The following CFAP91 variants were observed in gnomAD, a reference collection of about 807,000 sequenced individuals.
CFAP91 encodes cilia- and flagella-associated protein 91.
In CFAP91, 85 loss-of-function variants were observed where a neutral mutation model predicts 95.9. The observed-to-expected ratio is 0.89, with a 90% CI of 0.74 to 1.06. The LOEUF (loss-of-function observed/expected upper bound fraction) is 1.06. Ranked by LOEUF, CFAP91 falls within the 50% of genes least tolerant of loss-of-function variation. The probability of loss-of-function intolerance (pLI) is 0.00; values close to 1 mark genes in which losing one functional copy is unlikely to be tolerated. For missense variants in CFAP91, 962 were observed against 943.4 expected (o/e 1.02, Z -0.26); for synonymous variants, 335 against 327.5 (o/e 1.02, Z -0.25).
intron 17 of CFAP91, among the ~76,000 whole-genome samples, chr3:119,755,942 T>A (rs1469947182): frequency 2.0e-5 from 3 of 152,146 alleles, no homozygotes; most frequent in Admixed American, 6.5e-5. Context: ...TAGAATAGCT[T>A]AATGATTTAG....
At position 119,751,005 on chromosome 3, in the gene CFAP91, G is replaced by A. The variant is rs753249402; in HGVS notation, c.2212G>A (p.Val738Ile). 1 of 1,613,912 alleles carries A rather than the reference G, an allele frequency of 6.2e-7. No individual in the cohort carries two copies. The highest frequency in any genetic ancestry group is 8.5e-7 in the Non-Finnish European group (1 of 1,179,892). Residue 738 changes from valine (V) to isoleucine (I), a missense_variant, in exon 17 of 18, where the codon GTT (valine) becomes ATT (isoleucine). Coordinates refer to ENST00000273390, the MANE Select transcript of CFAP91 (RefSeq NM_033364.4). ...CATCCACAGTTACACGGAAAGCATG[G>A]TTCAAAAGAAATTAACTGAGGGAGA... ...QIIHSYTESM[V>I]QKKLTEGEQD...
intron 12 of CFAP91, among the ~76,000 whole-genome samples, chr3:119,740,027 G>T (rs1420935562): frequency 1.3e-5 from 2 of 152,128 alleles, no homozygotes. Flanking sequence ...TTCCCAGATA[G>T]CTATAACTCA....
chr3:119,735,423 GT>G (rs1435773851), intron 10 of CFAP91, among the ~76,000 whole-genome samples: 7 of 152,080 alleles, frequency 4.6e-5, no homozygotes, highest in Non-Finnish European at 1.0e-4. Flanking sequence ...CATTTCATTA[GT>G]TTTGATATGT....
At chr3:119,759,534 C>G (rs1577250883) in intron 17 of CFAP91, among the ~76,000 whole-genome samples, 1 of 151,796 alleles carries the variant, frequency 6.6e-6, no homozygotes, top group African/African-American at 2.4e-5. Flanking sequence ...GAAAGTAATA[C>G]AAAAACATAT....
intron 7 of CFAP91, among the ~76,000 whole-genome samples, chr3:119,729,596 A>T (rs2053854542): frequency 6.6e-6 from 1 of 151,784 alleles, no homozygotes; most frequent in African/African-American, 2.4e-5. Context: ...GTGAGCTTAG[A>T]TCAGGCTACT....
At chr3:119,756,434 C>T (rs1228942882) in intron 17 of CFAP91, among the ~76,000 whole-genome samples, 2 of 152,010 alleles carry the variant, frequency 1.3e-5, no homozygotes. Context: ...ATCTGCAACA[C>T]AAGAAATTAT....
intron 16 of CFAP91, among the ~76,000 whole-genome samples, chr3:119,748,855 C>A (rs78035881): frequency 0.016 from 2,510 of 152,200 alleles, 62 homozygotes; most frequent in African/African-American, 0.057. Flanking sequence ...TCTGAGAGTA[C>A]ATTCTTAACA....
chr3:119,721,689 G>A (rs1410619811), intron 6 of CFAP91, among the ~76,000 whole-genome samples: 1 of 152,170 alleles, frequency 6.6e-6, no homozygotes, highest in Non-Finnish European at 1.5e-5. Context: ...TAGCACCCTG[G>A]TTGAGGAACA....
intron 16 of CFAP91, 76 bp from the exon 17 acceptor site, chr3:119,750,861 A>G (rs1287079485): frequency 1.3e-6 from 2 of 1,548,694 alleles, no homozygotes; most frequent in African/African-American, 1.4e-5. Context: ...TATTTCTATC[A>G]TGACTCTCTT....
rs755928938 is a variant in CFAP91 at position 119,708,642 on chromosome 3, T to C, written c.411T>C (p.Val137=). The change falls in exon 4 of 18, where the codon GTT becomes GTC. Residue 137 remains valine, a synonymous_variant. Coordinates refer to ENST00000273390, the MANE Select transcript of CFAP91 (RefSeq NM_033364.4). ...MPKEVYEDPE[V]TGKNRYKYFE... ...AAGAAGTTTATGAAGATCCTGAAGT[T>C]ACTGGAAAGAATCGCTATAAATACT... 1.2e-6 allele frequency: 2 copies of C among 1,605,416 alleles called. No individual in the cohort carries two copies. The highest frequency in any genetic ancestry group is 4.5e-5 in the East Asian group (2 of 44,740).
rs72965006 is a variant in CFAP91, at chr3:119,732,405, G to A, written c.1130G>A (p.Arg377His). 3,958 of 1,613,186 alleles carry A rather than the reference G, an allele frequency of 2.5e-3. 83 individuals are homozygous for A. In the African/African-American group the frequency reaches 0.044, roughly 18 times the overall value. ...YASQVYGPLS[R>H]LGCFPDNNSE... is the part of the protein sequence containing the mutation. Reference sequence around the variant, plus strand: ...TCACAGGTCTATGGACCTCTGTCTCGTCTTGGGTGTTTCCCAGACAACAAC... The same window carrying A: ...TCACAGGTCTATGGACCTCTGTCTCATCTTGGGTGTTTCCCAGACAACAAC... Residue 377 changes from arginine to histidine, a missense_variant, in exon 9 of 18, where the codon CGT (arginine) becomes CAT (histidine). Transcript: ENST00000273390.
intron 6 of CFAP91, among the ~76,000 whole-genome samples, chr3:119,722,578 C>A (rs1044212387): frequency 4.6e-5 from 7 of 152,068 alleles, no homozygotes; most frequent in Non-Finnish European, 7.4e-5. Flanking sequence ...AGCCTCAAAC[C>A]CTATGGCTCA....
chr3:119,747,108 T>C lies in CFAP91; in HGVS notation c.1903-7T>C. ...TGTTTTAGTGAGGGTATTATTGTTT[T>C]TTGCAGGTGGTTAAAGTTCACCATA... On this transcript the variant is annotated splice_region_variant and splice_polypyrimidine_tract_variant and intron_variant, in intron 14 of 17. Coordinates refer to ENST00000273390, the MANE Select transcript of CFAP91 (RefSeq NM_033364.4). 6.4e-7 allele frequency: 1 copy of C among 1,554,410 alleles called. No individual in the cohort carries two copies. The highest frequency in any genetic ancestry group is 8.7e-7 in the Non-Finnish European group (1 of 1,150,948).
At position 119,718,997 on chromosome 3, in the gene CFAP91, G is replaced by A. The variant is rs2107868380; in HGVS notation, c.682+3254G>A. On this transcript the variant is annotated intron_variant, in intron 6 of 17. Coordinates refer to ENST00000273390, the MANE Select transcript of CFAP91 (RefSeq NM_033364.4). ...GACATATACAAGAAAACTCACAGCA[G>A]CATTAATTATGATAACTCCAAACTG... Among the ~76,000 whole-genome samples the A allele has an allele frequency of 1.3e-5, 2 of 151,848 alleles. 1 individual carries two copies. Among genetic ancestry groups the A allele is most frequent in the East Asian group, 3.9e-4 (2 of 5,182 alleles).
At chr3:119,703,441 G>C (rs2053297943) in intron 1 of CFAP91, among the ~76,000 whole-genome samples, 1 of 152,238 alleles carries the variant, frequency 6.6e-6, no homozygotes, top group South Asian at 2.1e-4. Context: ...AAAGGCGCGG[G>C]TGCGCTCCGC....
intron 1 of CFAP91, 151 bp from the exon 2 acceptor site, chr3:119,706,658 G>A: frequency 1.6e-6 from 1 of 623,834 alleles, no homozygotes; most frequent in Non-Finnish European, 2.9e-6. Flanking sequence ...AGGGCCACAT[G>A]CACAACAGAG....
chr3:119,732,996 C>G (rs1368306966), intron 9 of CFAP91, among the ~76,000 whole-genome samples: 2 of 152,214 alleles, frequency 1.3e-5, no homozygotes, highest in African/African-American at 4.8e-5. Context: ...ACTTGTAGCT[C>G]TGGCTGGCCA....
In CFAP91 at chr3:119,766,710, G is replaced by A. The variant is rs2054636969; in HGVS notation, c.*1660G>A. On this transcript the variant is annotated 3_prime_UTR_variant, in exon 18 of 18. Transcript: ENST00000273390. Reference sequence around the variant, plus strand: ...TCAACTCTGCCGTTGTAGGGTAAGAGCAGCACTCGATGACACAGAAATGAA... The same window carrying A: ...TCAACTCTGCCGTTGTAGGGTAAGAACAGCACTCGATGACACAGAAATGAA... 1 of 152,184 alleles carries A rather than the reference G, an allele frequency of 6.6e-6. No homozygotes were observed. Among genetic ancestry groups the A allele is most frequent in the African/African-American group, 2.4e-5 (1 of 41,458 alleles). 9.4% of individuals were successfully genotyped at this position (152,184 alleles called of 1,614,324 possible). A position where few individuals can be genotyped will look rare whatever the true frequency, so the allele number is the denominator to read the frequency against.
At chr3:119,712,591 A>G (rs1215827256) in intron 5 of CFAP91, among the ~76,000 whole-genome samples, 2 of 152,222 alleles carry the variant, frequency 1.3e-5, no homozygotes, top group Non-Finnish European at 2.9e-5. Context: ...AAGAAGCCAT[A>G]TATTATCTAC....
Sources: gnomAD v4.1 joint callset for allele counts (sites outside exome capture counted in the v4.1 genomes callset) on GRCh38, gnomAD v4.1.1 for gene constraint, MANE v1.5 for transcripts, NCBI Gene and HGNC (gene_info 2026-07-23, HGNC 2026-07-21) for gene names.